The following KIAA1614 variants were observed in gnomAD, a reference collection of about 807,000 sequenced individuals.
The protein encoded by KIAA1614 is KIAA1614.
Under a neutral mutation model 88.7 loss-of-function variants are expected in KIAA1614, and 76 were observed. That is an observed-to-expected ratio of 0.86 (90% confidence interval 0.71 to 1.04). The LOEUF (loss-of-function observed/expected upper bound fraction) is 1.04. Ranked by LOEUF, KIAA1614 falls within the 50% of genes least tolerant of loss-of-function variation. KIAA1614 has a pLI of 0.00. For synonymous variants in KIAA1614, 714 were observed against 675.5 expected, an observed-to-expected ratio of 1.06 and a Z score of -0.88; for missense variants, 1,553 against 1,582.5, an observed-to-expected ratio of 0.98 and a Z score of 0.32.
In KIAA1614 at chr1:180,945,511, C is replaced by T. The variant is rs774467624; in HGVS notation, c.3496C>T (p.Pro1166Ser). The T allele has an allele frequency of 6.2e-7, 1 of 1,613,710 alleles. No individual in the cohort carries two copies. Among genetic ancestry groups the T allele is most frequent in the Non-Finnish European group, 8.5e-7 (1 of 1,179,966 alleles). ...DSGMPSPLPQ[P>S]HGWGGLSKQG... ...AGGTATGCCCTCTCCTCTTCCTCAGCCCCATGGCTGGGGCGGCCTTAGCAA... is the reference window on the plus strand; with the variant it reads ...AGGTATGCCCTCTCCTCTTCCTCAGTCCCATGGCTGGGGCGGCCTTAGCAA... The change falls in exon 9 of 9, where the codon CCC becomes TCC. Residue 1166 changes from proline (P) to serine (S), a missense_variant. Coordinates refer to ENST00000367588, the MANE Select transcript of KIAA1614 (RefSeq NM_020950.2).
chr1:180,944,322 G>T, intron 7 of KIAA1614, 67 bp from the exon 8 acceptor site: 1 of 1,564,028 alleles, frequency 6.4e-7, no homozygotes, highest in Admixed American at 1.7e-5. Flanking sequence ...TCATGGTGGG[G>T]CCAAGTCCTC....
intron 4 of KIAA1614, among the ~76,000 whole-genome samples, chr1:180,931,738 A>G (rs1019777060): frequency 2.6e-5 from 4 of 152,372 alleles, no homozygotes; most frequent in African/African-American, 9.6e-5. Context: ...AGTTAAGACC[A>G]CTGATGTGGC....
chr1:180,941,002 CCCGGCCCT>C, intron 6 of KIAA1614, 35 bp from the exon 7 acceptor site: 1 of 502,362 alleles, frequency 2.0e-6, no homozygotes, highest in Admixed American at 4.0e-5. Flanking sequence ...TGGCCACCCT[CCCGGCCCT>C]CCCCCGCCCC....
Position 180,916,317 on chromosome 1 carries a change from G to A in KIAA1614, c.214G>A (p.Val72Ile), listed in dbSNP as rs754444210. The A allele has an allele frequency of 1.9e-6, 3 of 1,614,084 alleles. No individual in the cohort carries two copies. The highest frequency in any genetic ancestry group is 2.5e-6 in the Non-Finnish European group (3 of 1,180,010). Residue 72 changes from valine to isoleucine, a missense_variant, in exon 2 of 9, where the codon GTA (valine) becomes ATA (isoleucine). By Grantham distance (29) the Val-to-Ile change is conservative. Transcript: ENST00000367588. The stretch of plus-strand genomic sequence containing the variant: ...CCTGATGGCCCCCCAGCCTCCCAGG[G>A]TATGGGGAGTACAGCTCCAGGGCCC... ...SSLMAPQPPR[V>I]WGVQLQGPSV...
At chr1:180,926,357 T>C (rs1654066845) in intron 3 of KIAA1614, among the ~76,000 whole-genome samples, 1 of 151,598 alleles carries the variant, frequency 6.6e-6, no homozygotes, top group Non-Finnish European at 1.5e-5. Context: ...TGACTGCCAC[T>C]CCTCCATGCT....
chr1:180,915,283 G>T (rs1653753175), intron 1 of KIAA1614, among the ~76,000 whole-genome samples: 1 of 152,210 alleles, frequency 6.6e-6, no homozygotes, highest in Non-Finnish European at 1.5e-5. Flanking sequence ...GGGTGAGGTT[G>T]GATGCAGCAC....
chr1:180,932,529 CGT>C (rs1654218241), intron 4 of KIAA1614, among the ~76,000 whole-genome samples: 1 of 152,104 alleles, frequency 6.6e-6, no homozygotes, highest in East Asian at 1.9e-4. Flanking sequence ...CCATATTGTG[CGT>C]CCTTGGCATA....
At chr1:180,940,678 C>CTCCT (rs1234884508) in intron 6 of KIAA1614, among the ~76,000 whole-genome samples, 1 of 149,216 alleles carries the variant, frequency 6.7e-6, no homozygotes, top group Non-Finnish European at 1.5e-5. Flanking sequence ...CTCTCTCTCT[C>CTCCT]TCCTTCCTTC....
Position 180,913,159 on chromosome 1 carries a change from G to C in KIAA1614, c.-85G>C. 1.8e-6 allele frequency: 2 copies of C among 1,088,878 alleles called. No individual in the cohort carries two copies. Among genetic ancestry groups the C allele is most frequent in the African/African-American group, 1.6e-5 (1 of 61,262 alleles). 67.5% of individuals were successfully genotyped at this position (1,088,878 alleles called of 1,614,324 possible). ...GCGGGCCGCACTCCCTCCGGCCCCG[G>C]ATTCGGGGCTGGAAGTCCCTCCCCG... On this transcript the variant is annotated 5_prime_UTR_variant, in exon 1 of 9. Coordinates refer to ENST00000367588, the MANE Select transcript of KIAA1614 (RefSeq NM_020950.2).
intron 3 of KIAA1614, among the ~76,000 whole-genome samples, chr1:180,920,379 G>A (rs986326763): frequency 2.6e-5 from 4 of 152,238 alleles, no homozygotes; most frequent in Non-Finnish European, 5.9e-5. Context: ...TCTGTTCTAA[G>A]GGGCTTAGGA....
At position 180,918,788 on chromosome 1, in the gene KIAA1614, C is replaced by T. The variant is rs78518000; in HGVS notation, c.1061+874C>T. On this transcript the variant is annotated intron_variant, in intron 3 of 8. Transcript: ENST00000367588. Reference sequence around the variant, plus strand: ...CTCAGTTAGAACCACCTCCAGAAAACGTGGACAGACCTCTGTCTTAGTCTA... The same window carrying T: ...CTCAGTTAGAACCACCTCCAGAAAATGTGGACAGACCTCTGTCTTAGTCTA... Among the ~76,000 whole-genome samples the T allele has an allele frequency of 4.0e-3, 602 of 152,310 alleles. 4 individuals carry two copies. The highest frequency in any genetic ancestry group is 0.014 in the African/African-American group (585 of 41,556).
chr1:180,924,762 T>C (rs1216979379), intron 3 of KIAA1614, among the ~76,000 whole-genome samples: 1 of 152,156 alleles, frequency 6.6e-6, no homozygotes, highest in Non-Finnish European at 1.5e-5. Context: ...ATTTCAAACA[T>C]GCCTTCCCCT....
intron 3 of KIAA1614, among the ~76,000 whole-genome samples, chr1:180,922,196 G>A (rs1309889043): frequency 6.6e-6 from 1 of 152,266 alleles, no homozygotes; most frequent in South Asian, 2.1e-4. Context: ...CAGGTGCTGA[G>A]TGTGTCTGCA....
chr1:180,943,034 T>TTTTTTTTTTTGTTTG (rs1553260094), intron 7 of KIAA1614, among the ~76,000 whole-genome samples: 6 of 139,504 alleles, frequency 4.3e-5, no homozygotes. Flanking sequence ...TTGGGTTTTT[T>TTTTTTTTTTTGTTTG]TTTTTTTTTT....
intron 5 of KIAA1614, among the ~76,000 whole-genome samples, 153 bp downstream of exon 5, chr1:180,936,823 T>C (rs544302123): frequency 2.0e-5 from 3 of 152,318 alleles, no homozygotes; most frequent in African/African-American, 7.2e-5. Context: ...CGGCAGCTCC[T>C]TGGAGCTGCT....
chr1:180,913,323 G>T, intron 1 of KIAA1614, 30 bp downstream of exon 1: 1 of 1,235,978 alleles, frequency 8.1e-7, no homozygotes, highest in South Asian at 4.0e-5. Flanking sequence ...CGCCGGGCCG[G>T]CCGGGCGGGG....
chr1:180,938,634 G>C lies in KIAA1614; in HGVS notation c.2841G>C (p.Glu947Asp). 3 of 1,614,190 alleles carry C rather than the reference G, an allele frequency of 1.9e-6. No individual in the cohort carries two copies. Among genetic ancestry groups the C allele is most frequent in the Non-Finnish European group, 2.5e-6 (3 of 1,180,020 alleles). The change falls in exon 6 of 9, where the codon GAG (glutamate) becomes GAC (aspartate). Residue 947 changes from glutamate to aspartate, a missense_variant. Physicochemically the swap from Glu to Asp is conservative, Grantham distance 45. Transcript: ENST00000367588. ...GCATCACCCTCTCCCTGTCCTCAGA[G>C]GAGTCAGAGTCCAGCAAGGAATCAG... The part of the protein sequence containing the change: ...STGITLSLSS[E>D]ESESSKESEG...
intron 1 of KIAA1614, 54 bp from the exon 2 acceptor site, chr1:180,916,100 G>T (rs1653787644): frequency 1.4e-6 from 2 of 1,419,082 alleles, no homozygotes; most frequent in Non-Finnish European, 9.5e-7. Flanking sequence ...CCGGGAGGTT[G>T]TGGGGGTTAG....
At position 180,936,336 on chromosome 1, in the gene KIAA1614, C is replaced by T. The variant is rs192554753; in HGVS notation, c.2427C>T (p.Thr809=). 40 of 1,614,162 alleles carry T rather than the reference C, an allele frequency of 2.5e-5. No homozygotes were observed. The highest frequency in any genetic ancestry group is 3.2e-5 in the Non-Finnish European group (38 of 1,179,982). The change falls in exon 5 of 9, where the codon ACC becomes ACT. Residue 809 remains threonine, a synonymous_variant. Transcript: ENST00000367588. ...ASLCPEGWAP[T]PPPSRKTTSP... ...TGTGTCCTGAAGGCTGGGCGCCAAC[C>T]CCTCCCCCTTCGAGGAAAACCACCT...
Sources: gnomAD v4.1 joint callset for allele counts (sites outside exome capture counted in the v4.1 genomes callset) on GRCh38, gnomAD v4.1.1 for gene constraint, MANE v1.5 for transcripts, NCBI Gene and HGNC (gene_info 2026-07-23, HGNC 2026-07-21) for gene names.